RBFOX1: variants seen among roughly 807,000 people sequenced by gnomAD.
RBFOX1 encodes the protein RNA binding fox-1 homolog 1, also known as RNA binding protein fox-1 homolog 1.
RBFOX1 carries 8 observed loss-of-function variants against 57.7 expected under a neutral mutation model. The ratio of observed to expected loss-of-function variants is 0.14; its 90% CI spans 0.08 to 0.25. RBFOX1 has a LOEUF of 0.25. Ranked by LOEUF, RBFOX1 falls within the 10% of genes least tolerant of loss-of-function variation. RBFOX1 has a pLI of 1.00. For missense variants in RBFOX1, 611 were observed against 548.5 expected (o/e 1.11, Z -1.14); for synonymous variants, 326 against 222.4 (o/e 1.47, Z -4.15).
intron 4 of RBFOX1, among the ~76,000 whole-genome samples, chr16:7,205,298 A>C (rs2089693921): frequency 6.6e-6 from 1 of 152,080 alleles, no homozygotes; most frequent in African/African-American, 2.4e-5. Flanking sequence ...CAGGCAGATC[A>C]CTTGATGTCA....
At chr16:7,521,626 A>AG (rs2077528475) in intron 5 of RBFOX1, among the ~76,000 whole-genome samples, 1 of 152,228 alleles carries the variant, frequency 6.6e-6, no homozygotes. Flanking sequence ...GGAGAGCCTT[A>AG]GGAGAATATA....
intron 3 of RBFOX1, among the ~76,000 whole-genome samples, chr16:5,648,221 A>T (rs2049112615): frequency 6.6e-6 from 1 of 152,092 alleles, no homozygotes. Context: ...GCAGGAGGAG[A>T]ATTCAGGGAA....
chr16:7,375,292 T>G (rs940110968), intron 4 of RBFOX1, among the ~76,000 whole-genome samples: 1 of 152,218 alleles, frequency 6.6e-6, no homozygotes, highest in African/African-American at 2.4e-5. Context: ...ACTACTTCTA[T>G]GCCATCTTAT....
chr16:6,711,357 C>G (rs1351954829), intron 3 of RBFOX1, among the ~76,000 whole-genome samples: 1 of 152,178 alleles, frequency 6.6e-6, no homozygotes, highest in Non-Finnish European at 1.5e-5. Flanking sequence ...ATTCTGGTCC[C>G]TACCAACTTT....
intron 4 of RBFOX1, among the ~76,000 whole-genome samples, chr16:7,129,630 C>T (rs1453878022): frequency 1.3e-5 from 2 of 151,974 alleles, no homozygotes; most frequent in East Asian, 3.9e-4. Context: ...TTGACTAGAT[C>T]ATGAGGAGGA....
At chr16:5,394,249 C>G (rs1398452299) in intron 1 of RBFOX1, among the ~76,000 whole-genome samples, 8 of 152,134 alleles carry the variant, frequency 5.3e-5, no homozygotes, top group African/African-American at 1.7e-4. Flanking sequence ...ATCTCAAACT[C>G]CTGAACTCGT....
chr16:6,311,590 C>T (rs144604996), intron 1 of RBFOX1, among the ~76,000 whole-genome samples: 13 of 152,278 alleles, frequency 8.5e-5, no homozygotes, highest in Non-Finnish European at 1.2e-4. Flanking sequence ...AAAGCAACCA[C>T]AGGTTTACAG....
At chr16:6,047,256 T>C (rs1220178544) in intron 1 of RBFOX1, among the ~76,000 whole-genome samples, 2 of 152,186 alleles carry the variant, frequency 1.3e-5, no homozygotes, top group African/African-American at 4.8e-5. Context: ...GCCCATGAGG[T>C]TAGCCAACCC....
intron 4 of RBFOX1, among the ~76,000 whole-genome samples, chr16:7,375,973 G>A (rs915539499): frequency 1.3e-5 from 2 of 152,170 alleles, no homozygotes; most frequent in Non-Finnish European, 2.9e-5. Context: ...GCCATTGGTA[G>A]GCCAAACCCC....
At chr16:7,202,395 C>A (rs149295198) in intron 4 of RBFOX1, among the ~76,000 whole-genome samples, 1 of 151,110 alleles carries the variant, frequency 6.6e-6, no homozygotes, top group Admixed American at 6.6e-5. Flanking sequence ...TAAAATAGTA[C>A]AGGTGCTGTG....
intron 1 of RBFOX1, among the ~76,000 whole-genome samples, chr16:5,367,149 G>C (rs1272934437): frequency 6.6e-6 from 1 of 152,116 alleles, no homozygotes; most frequent in Non-Finnish European, 1.5e-5. Context: ...AAATGATTTT[G>C]TGTATAAATT....
chr16:5,779,909 T>G (rs2054272774), intron 3 of RBFOX1, among the ~76,000 whole-genome samples: 1 of 152,208 alleles, frequency 6.6e-6, no homozygotes, highest in Non-Finnish European at 1.5e-5. Context: ...ATGGAGATGG[T>G]AATCATACTG....
intron 3 of RBFOX1, among the ~76,000 whole-genome samples, chr16:6,865,098 G>A (rs962073466): frequency 6.8e-6 from 1 of 147,216 alleles, no homozygotes; most frequent in African/African-American, 2.6e-5. Flanking sequence ...CGCCTCCTGG[G>A]TTCAAGCAAT....
intron 3 of RBFOX1, among the ~76,000 whole-genome samples, chr16:6,821,307 A>G (rs1309838408): frequency 6.6e-6 from 1 of 152,146 alleles, no homozygotes; most frequent in Non-Finnish European, 1.5e-5. Context: ...CTTCCCTATT[A>G]CTAAGTTTTG....
At chr16:6,322,944 C>T (rs187883076) in intron 2 of RBFOX1, among the ~76,000 whole-genome samples, 4 of 152,246 alleles carry the variant, frequency 2.6e-5, no homozygotes, top group Admixed American at 2.6e-4. Context: ...TCCCTGGCCA[C>T]CAACCACCCC....
intron 1 of RBFOX1, among the ~76,000 whole-genome samples, chr16:6,033,506 A>C (rs1372389404): frequency 6.6e-6 from 1 of 152,258 alleles, no homozygotes; most frequent in Admixed American, 6.5e-5. Flanking sequence ...TACCAACAAA[A>C]GATAGCATAT....
intron 4 of RBFOX1, among the ~76,000 whole-genome samples, chr16:7,347,725 C>T (rs947700491): frequency 6.6e-6 from 1 of 152,174 alleles, no homozygotes; most frequent in Non-Finnish European, 1.5e-5. Flanking sequence ...ATCTGATGGA[C>T]CCAACCTATC....
chr16:7,090,526 T>G (rs12921705), intron 4 of RBFOX1, among the ~76,000 whole-genome samples: 1 of 151,794 alleles, frequency 6.6e-6, no homozygotes, highest in Admixed American at 6.6e-5. Flanking sequence ...AATTAAATAG[T>G]TACAGATGCT....
chr16:5,865,128 C>G (rs1223201367), intron 3 of RBFOX1, among the ~76,000 whole-genome samples: 2 of 152,144 alleles, frequency 1.3e-5, no homozygotes, highest in Non-Finnish European at 2.9e-5. Context: ...GCTGAAAACT[C>G]TTTTGCCCAT....
Sources: allele counts gnomAD v4.1 joint callset (sites outside exome capture counted in the v4.1 genomes callset), GRCh38; gene constraint gnomAD v4.1.1; transcripts MANE v1.5; gene names NCBI Gene and HGNC (gene_info 2026-07-23, HGNC 2026-07-21).